Variants in FAM169A observed in about 807,000 individuals in gnomAD.
The protein encoded by FAM169A is soluble lamin-associated protein of 75 kDa.
In FAM169A, 24 loss-of-function variants were observed where a neutral mutation model predicts 75.7. That is an observed-to-expected ratio of 0.32 (90% CI 0.23 to 0.45). The LOEUF is 0.45. Ranked by LOEUF, FAM169A falls within the 20% of genes least tolerant of loss-of-function variation. FAM169A has a pLI of 1.00. For missense variants in FAM169A, 673 were observed against 784.0 expected (o/e 0.86, Z 1.69); for synonymous variants, 271 against 271.0 (o/e 1.00, Z 0.00).
At chr5:74,835,382 G>A (rs781447474) in intron 4 of FAM169A, among the ~76,000 whole-genome samples, 10 of 151,788 alleles carry the variant, frequency 6.6e-5, no homozygotes, top group Non-Finnish European at 1.3e-4. Flanking sequence ...TGGGTGGATC[G>A]CTTGAGCTCA....
chr5:74,852,514 A>T (rs1490071037), intron 1 of FAM169A, among the ~76,000 whole-genome samples: 1 of 152,200 alleles, frequency 6.6e-6, no homozygotes, highest in Non-Finnish European at 1.5e-5. Context: ...TAAACCAAAC[A>T]CTGGTGCTAG....
intron 1 of FAM169A, among the ~76,000 whole-genome samples, chr5:74,842,176 C>T (rs1748903998): frequency 8.0e-6 from 1 of 125,570 alleles, no homozygotes; most frequent in African/African-American, 4.4e-5. Flanking sequence ...AATTCCAGCA[C>T]TTTGGGGGGC....
Position 74,795,917 on chromosome 5 carries a change from A to T in FAM169A, c.1260+113T>A. 3 of 1,107,038 alleles carry T rather than the reference A, an allele frequency of 2.7e-6. 1 individual carries two copies. The South Asian group carries it at 5.4e-5, about 20-fold the overall frequency. 68.6% of individuals were successfully genotyped at this position (1,107,038 alleles called of 1,614,324 possible). On this transcript the variant is annotated intron_variant, in intron 11 of 12. Coordinates refer to ENST00000687041, the MANE Select transcript of FAM169A (RefSeq NM_001376049.1). ...TAATATATATGATTTTTAACACTAA[A>T]CGCAATTTCTAACACTCTAAAATAT...
At chr5:74,857,833 C>G (rs17561738) in intron 1 of FAM169A, among the ~76,000 whole-genome samples, 3,804 of 152,180 alleles carry the variant, frequency 0.025, 91 homozygotes, top group Middle Eastern at 0.095. Flanking sequence ...AAACTTCTCT[C>G]TGCCCATTGT....
At chr5:74,826,007 C>T (rs772965604) in intron 5 of FAM169A, among the ~76,000 whole-genome samples, 1 of 152,102 alleles carries the variant, frequency 6.6e-6, no homozygotes, top group Non-Finnish European at 1.5e-5. Flanking sequence ...AATTTGTTCT[C>T]TCCTCCTGAA....
intron 11 of FAM169A, among the ~76,000 whole-genome samples, chr5:74,787,754 C>G (rs970564891): frequency 1.3e-5 from 2 of 152,266 alleles, no homozygotes; most frequent in African/African-American, 4.8e-5. Flanking sequence ...TTGTGTACAG[C>G]TTTTGCACTG....
At chr5:74,819,513 G>A (rs12516674) in intron 5 of FAM169A, among the ~76,000 whole-genome samples, 70,506 of 151,948 alleles carry the variant, frequency 0.46, 18,759 homozygotes, top group African/African-American at 0.74. Context: ...AAGGCGAAAC[G>A]GAGTTACCAT....
chr5:74,866,196 C>T lies in FAM169A; in HGVS notation c.-35G>A. On this transcript the variant is annotated 5_prime_UTR_variant, in exon 1 of 13. Transcript: ENST00000687041. ...CGCGCCCCGGGAGCCGCTGGAAGAGCCCGGGAAAGGAGGCGGAGCCGCGCG... is the reference window on the plus strand; with the variant it reads ...CGCGCCCCGGGAGCCGCTGGAAGAGTCCGGGAAAGGAGGCGGAGCCGCGCG... The T allele has an allele frequency of 2.0e-6, 2 of 984,348 alleles. No homozygotes were observed. The highest frequency in any genetic ancestry group is 2.4e-6 in the Non-Finnish European group (2 of 829,580). The allele number at this position is 984,348 out of a possible 1,614,324, so 61.0% of individuals were successfully genotyped here.
intron 1 of FAM169A, among the ~76,000 whole-genome samples, chr5:74,853,940 G>GT (rs1004002694): frequency 6.7e-6 from 1 of 149,204 alleles, no homozygotes; most frequent in Admixed American, 6.7e-5. Flanking sequence ...TAAAGCTGAA[G>GT]TTAAAAAAAA....
At chr5:74,794,011 A>C (rs1190802996) in intron 11 of FAM169A, among the ~76,000 whole-genome samples, 8 of 150,388 alleles carry the variant, frequency 5.3e-5, no homozygotes, top group Non-Finnish European at 8.9e-5. Flanking sequence ...TCAAAAAAAA[A>C]AAAAAAAAAG....
At chr5:74,810,293 G>A (rs1394385388) in intron 6 of FAM169A, among the ~76,000 whole-genome samples, 2 of 152,142 alleles carry the variant, frequency 1.3e-5, no homozygotes, top group Non-Finnish European at 2.9e-5. Context: ...ATCAGTGCTT[G>A]CCTGGAGTGA....
In FAM169A at chr5:74,833,712, G is replaced by A. The variant is rs112211932; in HGVS notation, c.490+714C>T. ...CTCTGTGAAAGGTCTTTTGGTCAAG[G>A]TACAAAACAAGGCAGACTTTGTTCT... On this transcript the variant is annotated intron_variant, in intron 5 of 12. Transcript: ENST00000687041. Among the ~76,000 whole-genome samples, 650 of 152,252 alleles carry A rather than the reference G, an allele frequency of 4.3e-3. 6 individuals carry two copies. Among genetic ancestry groups the A allele is most frequent in the Non-Finnish European group, 7.9e-3 (534 of 68,008 alleles).
intron 1 of FAM169A, chr5:74,865,957 C>T: frequency 6.5e-6 from 1 of 154,596 alleles, no homozygotes; most frequent in Non-Finnish European, 1.4e-5. Flanking sequence ...ACGGGATCCC[C>T]GCAGACCGCC....
chr5:74,834,996 A>AT (rs975609477), intron 4 of FAM169A, among the ~76,000 whole-genome samples: 1 of 122,840 alleles, frequency 8.1e-6, no homozygotes, highest in African/African-American at 4.3e-5. Context: ...CAGTCTCCAC[A>AT]TTTAAAAAAA....
chr5:74,857,592 A>C (rs931726140), intron 1 of FAM169A, among the ~76,000 whole-genome samples: 25 of 133,254 alleles, frequency 1.9e-4, no homozygotes, highest in South Asian at 1.9e-3. Context: ...AAAAAAAAAA[A>C]AAAAAAAAAA....
intron 9 of FAM169A, among the ~76,000 whole-genome samples, 192 bp from the exon 10 acceptor site, chr5:74,801,222 C>T (rs1391605397): frequency 1.3e-5 from 2 of 152,150 alleles, no homozygotes; most frequent in Non-Finnish European, 2.9e-5. Flanking sequence ...AATTATGTAA[C>T]TTTGTCAAGT....
intron 1 of FAM169A, among the ~76,000 whole-genome samples, chr5:74,854,075 T>C (rs1461763338): frequency 1.8e-4 from 28 of 152,062 alleles, no homozygotes; most frequent in Non-Finnish European, 1.5e-5. Flanking sequence ...CAGGAAACAA[T>C]GCATAATAAT....
chr5:74,849,516 C>T (rs893661150), intron 1 of FAM169A, among the ~76,000 whole-genome samples: 5 of 152,096 alleles, frequency 3.3e-5, no homozygotes, highest in African/African-American at 4.8e-5. Flanking sequence ...AAATAATTAT[C>T]TCAACCAATC....
chr5:74,805,743 A>G (rs1027427541), intron 6 of FAM169A, among the ~76,000 whole-genome samples: 10 of 151,722 alleles, frequency 6.6e-5, no homozygotes, highest in Non-Finnish European at 1.5e-4. Flanking sequence ...AAATGATTAA[A>G]TGTTACAGAG....
Sources: gnomAD v4.1 joint callset for allele counts (sites outside exome capture counted in the v4.1 genomes callset) on GRCh38, gnomAD v4.1.1 for gene constraint, MANE v1.5 for transcripts, NCBI Gene and HGNC (gene_info 2026-07-23, HGNC 2026-07-21) for gene names.